Variants in ACIN1 observed in about 807,000 individuals in gnomAD.
ACIN1 encodes apoptotic chromatin condensation inducer 1.
A neutral mutation model predicts 146.6 loss-of-function variants in ACIN1; 16 were observed. The ratio of observed to expected loss-of-function variants is 0.11; its 90% CI spans 0.07 to 0.17. The LOEUF is 0.17. Ranked by LOEUF, ACIN1 falls within the 10% of genes least tolerant of loss-of-function variation. The pLI is 1.00. For synonymous variants in ACIN1, 569 were observed against 582.7 expected (o/e 0.98, Z 0.34); for missense variants, 1,357 against 1,609.3 (o/e 0.84, Z 2.68).
At chr14:23,095,264 C>T (rs1035602530), upstream of ACIN1, 2 of 1,601,674 alleles carry the variant, frequency 1.2e-6, no homozygotes, top group Admixed American at 1.7e-5. Context: ...TCCGGATGTC[C>T]TCGGATGTTT....
chr14:23,063,658 G>C lies in ACIN1; in HGVS notation c.2596-81C>G, dbSNP rs144367190. On this transcript the variant is annotated intron_variant, in intron 12 of 18. Coordinates refer to ENST00000605057, the MANE Select transcript of ACIN1 (RefSeq NM_001386863.1). ...TTTTCAGCCTCTGGTTCCCCGGTAAGAGTAGCAGTCAATCTAGCATGTTCC... is the reference window on the plus strand; with the variant it reads ...TTTTCAGCCTCTGGTTCCCCGGTAACAGTAGCAGTCAATCTAGCATGTTCC... 9.2e-6 allele frequency: 14 copies of C among 1,513,812 alleles called. No individual in the cohort carries two copies. The African/African-American group carries it at 1.9e-4, about 21-fold the overall frequency. 93.8% of individuals were successfully genotyped at this position (1,513,812 alleles called of 1,614,324 possible).
chr14:23,060,806 C>T (rs541081288), intron 18 of ACIN1, among the ~76,000 whole-genome samples: 4 of 152,356 alleles, frequency 2.6e-5, no homozygotes, highest in South Asian at 2.1e-4. Flanking sequence ...CCACCACGCA[C>T]GGCCTAAAAT....
At position 23,090,118 on chromosome 14, in the gene ACIN1, G is replaced by C. The variant is rs529084096; in HGVS notation, c.317-17C>G. 6.2e-6 allele frequency: 10 copies of C among 1,610,740 alleles called. No individual in the cohort carries two copies. The highest frequency in any genetic ancestry group is 4.4e-5 in the South Asian group (4 of 90,762). On this transcript the variant is annotated splice_polypyrimidine_tract_variant and intron_variant, in intron 3 of 18. Coordinates refer to ENST00000605057, the MANE Select transcript of ACIN1 (RefSeq NM_001386863.1). ...CTGAAGCTTCTGCAAAGTACAGATC[G>C]GGTCGGGGCAGGGAGGGAGTGAAGG...
intron 8 of ACIN1, chr14:23,071,591 G>A (rs1213538217): frequency 1.3e-6 from 2 of 1,536,622 alleles, no homozygotes. Flanking sequence ...TGTGCGGATG[G>A]GGGAGGGCCT....
chr14:23,086,852 C>A (rs1327264214), intron 4 of ACIN1, among the ~76,000 whole-genome samples: 1 of 152,124 alleles, frequency 6.6e-6, no homozygotes, highest in Non-Finnish European at 1.5e-5. Flanking sequence ...AACCAAAGAT[C>A]TTGATAAATT....
rs865927855 is a variant in ACIN1, at chr14:23,083,048, T to G, written c.437-1212A>C. Among the ~76,000 whole-genome samples, 877 of 142,024 alleles carry G rather than the reference T, an allele frequency of 6.2e-3. 8 individuals carry two copies. The highest frequency in any genetic ancestry group is 0.02 in the African/African-American group (807 of 39,502). 93.2% of individuals were successfully genotyped at this position (142,024 alleles called of 152,430 possible). ...GTCACCGCACCCGGACTAGGTGAGATTTTTTTTTTTTTTAAGGAAAAAAAA... is the reference window on the plus strand; with the variant it reads ...GTCACCGCACCCGGACTAGGTGAGAGTTTTTTTTTTTTTAAGGAAAAAAAA... On this transcript the variant is annotated intron_variant, in intron 4 of 18. Coordinates refer to ENST00000605057, the MANE Select transcript of ACIN1 (RefSeq NM_001386863.1).
chr14:23,084,452 A>C (rs997829980), intron 4 of ACIN1, among the ~76,000 whole-genome samples: 1 of 152,016 alleles, frequency 6.6e-6, no homozygotes, highest in African/African-American at 2.4e-5. Context: ...TAAAAATACA[A>C]AAAAAATTTT....
Position 23,068,247 on chromosome 14 carries a change from G to A in ACIN1, c.2265+1229C>T. ...ATGGCACTGCGATCACAAACTTTAG[G>A]AGGTCTTGGTGCCCTAGATGGGGAT... On this transcript the variant is annotated intron_variant, in intron 9 of 18. Coordinates refer to ENST00000605057, the MANE Select transcript of ACIN1 (RefSeq NM_001386863.1). The surrounding 1 kb of genome is among the most constrained non-coding windows in gnomAD (Gnocchi z 4.3). 3.1e-6 allele frequency: 3 copies of A among 965,652 alleles called. No individual in the cohort carries two copies. The highest frequency in any genetic ancestry group is 2.5e-6 in the Non-Finnish European group (2 of 811,138). 59.8% of individuals were successfully genotyped at this position (965,652 alleles called of 1,614,324 possible).
chr14:23,072,904 G>A (rs2047700999), intron 8 of ACIN1, among the ~76,000 whole-genome samples: 1 of 152,216 alleles, frequency 6.6e-6, no homozygotes, highest in Admixed American at 6.5e-5. Context: ...GCAAGTTCCT[G>A]GTTCTGTATA....
In ACIN1 at chr14:23,079,665, G is replaced by A. The variant is rs752837363; in HGVS notation, c.1670C>T (p.Ala557Val). The A allele has an allele frequency of 6.8e-6, 11 of 1,614,168 alleles. No homozygotes were observed. In the South Asian group the frequency reaches 1.1e-4, roughly 16 times the overall value. ...SPLRSKQRDV[A>V]QARTHANPRG... Reference sequence around the variant, plus strand: ...AGGGTTGGCATGAGTACGTGCCTGGGCTACATCTCTCTGCTTGGATCTGAG... The same window carrying A: ...AGGGTTGGCATGAGTACGTGCCTGGACTACATCTCTCTGCTTGGATCTGAG... Residue 557 changes from alanine to valine, a missense_variant, in exon 6 of 19, where the codon GCC (alanine) becomes GTC (valine). Ala to Val is a moderately conservative substitution (Grantham distance 64, BLOSUM62 0). Transcript: ENST00000605057.
intron 2 of ACIN1, among the ~76,000 whole-genome samples, chr14:23,092,793 T>A (rs2048261624): frequency 6.6e-6 from 1 of 152,136 alleles, no homozygotes; most frequent in African/African-American, 2.4e-5. Flanking sequence ...CTAATCTAGT[T>A]TAAGAGAGGA....
At chr14:23,060,067 C>T (rs1234458269) in intron 18 of ACIN1, among the ~76,000 whole-genome samples, 1 of 150,274 alleles carries the variant, frequency 6.7e-6, no homozygotes, top group Non-Finnish European at 1.5e-5. Context: ...AAGTGATTCT[C>T]CTGCCTCAGC....
Position 23,079,171 on chromosome 14 carries a change from TG to T in ACIN1, c.1789-134del, listed in dbSNP as rs1390868216. On this transcript the variant is annotated intron_variant, in intron 6 of 18. Coordinates refer to ENST00000605057, the MANE Select transcript of ACIN1 (RefSeq NM_001386863.1). ...TTTTTGTCTGTGTTTACTCCCATTT[TG>T]TCTGTGTTTATTCCCATTTAGTGGT... 10 of 948,814 alleles carry T rather than the reference TG, an allele frequency of 1.1e-5. No homozygotes were observed. In the East Asian group the frequency reaches 2.6e-4, roughly 25 times the overall value. The allele number at this position is 948,814 out of a possible 1,614,324, so 58.8% of individuals were successfully genotyped here. A position where few individuals can be genotyped will look rare whatever the true frequency, so the allele number is the denominator to read the frequency against.
chr14:23,068,970 C>G lies in ACIN1; in HGVS notation c.2265+506G>C. 1.0e-6 allele frequency: 1 copy of G among 985,678 alleles called. No individual in the cohort carries two copies. Among genetic ancestry groups the G allele is most frequent in the Non-Finnish European group, 1.2e-6 (1 of 830,162 alleles). 61.1% of individuals were successfully genotyped at this position (985,678 alleles called of 1,614,324 possible). On this transcript the variant is annotated intron_variant, in intron 9 of 18. Coordinates refer to ENST00000605057, the MANE Select transcript of ACIN1 (RefSeq NM_001386863.1). The surrounding 1 kb of genome is among the most constrained non-coding windows in gnomAD (Gnocchi z 4.3). ...TCACAGGTAACTGAGAATGGGCCTT[C>G]CGGATCACAAGTGCTGGCTTCTAAG...
intron 7 of ACIN1, 98 bp from the exon 8 acceptor site, chr14:23,078,364 C>T: frequency 3.2e-6 from 3 of 934,252 alleles, no homozygotes; most frequent in African/African-American, 1.6e-5. Flanking sequence ...GCAGGACATA[C>T]ACAGTACCAG....
At chr14:23,059,776 G>C (rs914170938) in intron 18 of ACIN1, among the ~76,000 whole-genome samples, 4 of 149,486 alleles carry the variant, frequency 2.7e-5, no homozygotes, top group South Asian at 2.1e-4. Context: ...GCCTCAGCCT[G>C]CTGAGCAGCT....
In ACIN1 at chr14:23,080,009, G is replaced by C. The variant is rs2047901594; in HGVS notation, c.1326C>G (p.Val442=). 6.2e-7 allele frequency: 1 copy of C among 1,614,104 alleles called. No homozygotes were observed. Among genetic ancestry groups the C allele is most frequent in the Admixed American group, 1.7e-5 (1 of 60,024 alleles). ...SPAEKVPEES[V]LPLVQKSTLA... The stretch of plus-strand genomic sequence containing the variant: ...GTGTGCTTTTCTGAACCAGAGGCAG[G>C]ACACTCTCCTCTGGCACTTTCTCTG... The change falls in exon 6 of 19, where the codon GTC becomes GTG. Residue 442 remains valine, a synonymous_variant. Coordinates refer to ENST00000605057, the MANE Select transcript of ACIN1 (RefSeq NM_001386863.1).
chr14:23,062,822 A>C (rs2047330420), intron 14 of ACIN1, 107 bp downstream of exon 14: 1 of 1,272,474 alleles, frequency 7.9e-7, no homozygotes, highest in Admixed American at 2.4e-5. Flanking sequence ...TGAGTAACTT[A>C]ATCTATTGGT....
Position 23,067,864 on chromosome 14 carries a change from C to T in ACIN1, c.2265+1612G>A. ...TCATGGAGCCTCTGATGAAGGTAGCCTGGGGGTAGGTGAATACCCCAGGAC... is the reference window on the plus strand; with the variant it reads ...TCATGGAGCCTCTGATGAAGGTAGCTTGGGGGTAGGTGAATACCCCAGGAC... On this transcript the variant is annotated intron_variant, in intron 9 of 18. Transcript: ENST00000605057. The surrounding 1 kb of genome is among the most constrained non-coding windows in gnomAD (Gnocchi z 4.6). 2.0e-6 allele frequency: 2 copies of T among 985,866 alleles called. No individual in the cohort carries two copies. Among genetic ancestry groups the T allele is most frequent in the Non-Finnish European group, 2.4e-6 (2 of 829,954 alleles). 61.1% of individuals were successfully genotyped at this position (985,866 alleles called of 1,614,324 possible). A position where few individuals can be genotyped will look rare whatever the true frequency, so the allele number is the denominator to read the frequency against.
Sources: gnomAD v4.1 joint callset for allele counts (sites outside exome capture counted in the v4.1 genomes callset) on GRCh38, gnomAD v4.1.1 for gene constraint, Gnocchi (gnomAD v3.1) non-coding constraint, MANE v1.5 for transcripts, NCBI Gene and HGNC (gene_info 2026-07-23, HGNC 2026-07-21) for gene names.